The following SELENOI variants were observed in gnomAD, a reference collection of about 807,000 sequenced individuals.
SELENOI encodes selenoprotein I.
In SELENOI, 24 loss-of-function variants were observed where a neutral mutation model predicts 50.7. The ratio of observed to expected loss-of-function variants is 0.47; its 90% confidence interval spans 0.34 to 0.67. SELENOI has a LOEUF of 0.67. Among genes scored for constraint, SELENOI ranks in the 30% least tolerant of loss-of-function variants. The pLI is 0.01. For missense variants in SELENOI, 352 were observed against 461.4 expected (o/e 0.76, Z 2.17); for synonymous variants, 155 against 170.2 (o/e 0.91, Z 0.70).
chr2:26,356,879 T>A (rs1399338310), intron 1 of SELENOI, among the ~76,000 whole-genome samples: 2 of 152,318 alleles, frequency 1.3e-5, no homozygotes, highest in African/African-American at 2.4e-5. Flanking sequence ...TTTCTGATAC[T>A]TCTGTTGGTG....
In SELENOI at chr2:26,362,617, C is replaced by T. The variant is rs1273897011; in HGVS notation, c.58-1685C>T. 2.6e-5 allele frequency among the ~76,000 whole-genome samples: 4 copies of T among 151,852 alleles called. No homozygotes were observed. In the East Asian group the frequency reaches 7.8e-4, roughly 30 times the overall value. Reference sequence around the variant, plus strand: ...CTCTACTAAAAATACAAAAACTAGCCAGGTGGTGCACACCTCTAATCCCAG... The same window carrying T: ...CTCTACTAAAAATACAAAAACTAGCTAGGTGGTGCACACCTCTAATCCCAG... On this transcript the variant is annotated intron_variant, in intron 1 of 9. Transcript: ENST00000260585.
At chr2:26,378,981 TTC>T (rs1343861801) in intron 6 of SELENOI, among the ~76,000 whole-genome samples, 30 of 152,340 alleles carry the variant, frequency 2.0e-4, no homozygotes, top group African/African-American at 7.0e-4. Context: ...CCTTTTAAAT[TTC>T]TGTTAATCTG....
At chr2:26,374,718 G>A (rs1371953862) in intron 5 of SELENOI, among the ~76,000 whole-genome samples, 1 of 151,850 alleles carries the variant, frequency 6.6e-6, no homozygotes, top group Non-Finnish European at 1.5e-5. Flanking sequence ...ACAGGCATGC[G>A]CCACCACGCC....
chr2:26,363,354 C>T (rs1294999711), intron 1 of SELENOI, among the ~76,000 whole-genome samples: 3 of 152,046 alleles, frequency 2.0e-5, no homozygotes, highest in Non-Finnish European at 2.9e-5. Flanking sequence ...GTAAGTGTAT[C>T]GTAATAGTAT....
At chr2:26,347,435 TAA>T (rs879372265) in intron 1 of SELENOI, among the ~76,000 whole-genome samples, 8 of 139,398 alleles carry the variant, frequency 5.7e-5, no homozygotes, top group Non-Finnish European at 4.7e-5. Context: ...TAACTCGAGT[TAA>T]AAAAAAAAAA....
intron 1 of SELENOI, among the ~76,000 whole-genome samples, chr2:26,359,313 A>T (rs564129736): frequency 6.6e-6 from 1 of 152,272 alleles, no homozygotes; most frequent in South Asian, 2.1e-4. Context: ...TGTGACAGGG[A>T]GCGCTGTCTT....
At chr2:26,370,546 G>T (rs1360656899) in intron 4 of SELENOI, among the ~76,000 whole-genome samples, 7 of 91,722 alleles carry the variant, frequency 7.6e-5, no homozygotes, top group Non-Finnish European at 1.4e-4. Context: ...GGCTCCTCAC[G>T]TCCCAGTAGG....
In SELENOI at chr2:26,366,314, A is replaced by T. The variant is rs190064657; in HGVS notation, c.236-832A>T. Among the ~76,000 whole-genome samples, 66 of 152,144 alleles carry T rather than the reference A, an allele frequency of 4.3e-4. 2 individuals carry two copies. The highest frequency in any genetic ancestry group is 1.4e-3 in the African/African-American group (59 of 41,518). ...TGTTTGGGTATTGTGGGTTTTTAAA[A>T]ATTTATTTATTTATTTATTTATTTT... On this transcript the variant is annotated intron_variant, in intron 3 of 9. Coordinates refer to ENST00000260585, the MANE Select transcript of SELENOI (RefSeq NM_033505.4).
At chr2:26,368,482 A>G (rs946056150) in intron 4 of SELENOI, among the ~76,000 whole-genome samples, 2 of 152,208 alleles carry the variant, frequency 1.3e-5, no homozygotes, top group Non-Finnish European at 2.9e-5. Context: ...GACATGAACT[A>G]TTTGTTGCAA....
chr2:26,371,245 T>G (rs532489653), intron 4 of SELENOI, among the ~76,000 whole-genome samples: 1 of 149,074 alleles, frequency 6.7e-6, no homozygotes, highest in East Asian at 2.0e-4. Flanking sequence ...GCGGAGAGGC[T>G]CCTCACTTCT....
chr2:26,387,548 T>C (rs900761961), intron 9 of SELENOI, among the ~76,000 whole-genome samples: 1 of 151,462 alleles, frequency 6.6e-6, no homozygotes, highest in African/African-American at 2.4e-5. Context: ...AAAAAAAAAT[T>C]AGCCAGATGT....
In SELENOI at chr2:26,389,177, G is replaced by C. The variant is rs1677910169; in HGVS notation, c.*74G>C. On this transcript the variant is annotated 3_prime_UTR_variant, in exon 10 of 10. Transcript: ENST00000260585. Reference sequence around the variant, plus strand: ...TATTTCCTCCATCACCATTGAACTAGACTGATCTGCTTGACAGACGTGGGA... The same window carrying C: ...TATTTCCTCCATCACCATTGAACTACACTGATCTGCTTGACAGACGTGGGA... The C allele has an allele frequency of 1.8e-6, 2 of 1,128,394 alleles. No individual in the cohort carries two copies. The highest frequency in any genetic ancestry group is 2.6e-5 in the East Asian group (1 of 38,860). The allele number at this position is 1,128,394 out of a possible 1,614,324, so 69.9% of individuals were successfully genotyped here. A position where few individuals can be genotyped will look rare whatever the true frequency, so the allele number is the denominator to read the frequency against.
At chr2:26,370,746 C>A (rs1374946860) in intron 4 of SELENOI, among the ~76,000 whole-genome samples, 26 of 138,560 alleles carry the variant, frequency 1.9e-4, no homozygotes, top group African/African-American at 4.0e-4. Flanking sequence ...GGGGGCTGAC[C>A]CCCCCACCTC....
chr2:26,385,160 A>G (rs543411515), intron 8 of SELENOI, 21 bp downstream of exon 8: 2 of 1,365,194 alleles, frequency 1.5e-6, no homozygotes, highest in Non-Finnish European at 2.0e-6. Context: ...TTTCTTTTAA[A>G]AATCATAATA....
intron 4 of SELENOI, among the ~76,000 whole-genome samples, chr2:26,368,923 G>A (rs1258044216): frequency 6.6e-6 from 1 of 152,122 alleles, no homozygotes; most frequent in Non-Finnish European, 1.5e-5. Context: ...TAGGGAGTTT[G>A]GGATTCATCT....
chr2:26,384,006 A>T (rs1033364889), intron 7 of SELENOI, among the ~76,000 whole-genome samples: 7 of 152,202 alleles, frequency 4.6e-5, no homozygotes, highest in African/African-American at 1.7e-4. Context: ...GAGAAGGGAG[A>T]TGCTCAGGTG....
chr2:26,357,041 A>G (rs1574750541), intron 1 of SELENOI, among the ~76,000 whole-genome samples: 2 of 151,920 alleles, frequency 1.3e-5, no homozygotes, highest in Non-Finnish European at 2.9e-5. Context: ...AAATACTGTA[A>G]TACATTAAGA....
chr2:26,364,667 A>G (rs923111805), intron 2 of SELENOI, among the ~76,000 whole-genome samples, 165 bp from the exon 3 acceptor site: 2 of 152,346 alleles, frequency 1.3e-5, no homozygotes, highest in Middle Eastern at 3.4e-3. Context: ...AGGATGGAAG[A>G]AAGAATGCTG....
chr2:26,356,356 C>T (rs1236308440), intron 1 of SELENOI, among the ~76,000 whole-genome samples: 2 of 152,100 alleles, frequency 1.3e-5, no homozygotes, highest in Non-Finnish European at 2.9e-5. Context: ...GGGCAGTGGA[C>T]TCAGTGTGAT....
Sources: allele counts gnomAD v4.1 joint callset (sites outside exome capture counted in the v4.1 genomes callset), GRCh38; gene constraint gnomAD v4.1.1; transcripts MANE v1.5; gene names NCBI Gene and HGNC (gene_info 2026-07-23, HGNC 2026-07-21).